Variants in ATOH8 observed in about 807,000 individuals in gnomAD.
ATOH8 encodes the protein transcription factor ATOH8.
A neutral mutation model predicts 21.2 loss-of-function variants in ATOH8; 9 were observed. The ratio of observed to expected loss-of-function variants is 0.42; its 90% CI spans 0.26 to 0.74. The LOEUF (loss-of-function observed/expected upper bound fraction) is 0.74, where lower values mean the gene tolerates loss of function less well. Ranked by LOEUF, ATOH8 falls within the 30% of genes least tolerant of loss-of-function variation. ATOH8 has a pLI of 0.24. For missense variants in ATOH8, 524 were observed against 470.9 expected (o/e 1.11, Z -1.04); for synonymous variants, 253 against 224.0 (o/e 1.13, Z -1.16).
chr2:85,763,821 C>CGTGTGTGTGTGTGTGT (rs61491730), intron 1 of ATOH8, among the ~76,000 whole-genome samples, 170 bp from the exon 2 acceptor site: 176 of 143,860 alleles, frequency 1.2e-3, no homozygotes, highest in South Asian at 7.6e-3. Flanking sequence ...GATGAGCTGA[C>CGTGTGTGTGTGTGTGT]GTGTGTGTGT....
chr2:85,781,763 A>G (rs1344250007), intron 2 of ATOH8, among the ~76,000 whole-genome samples: 1 of 151,920 alleles, frequency 6.6e-6, no homozygotes, highest in Non-Finnish European at 1.5e-5. Context: ...CTGTGGTCCC[A>G]GGTATACAGG....
In ATOH8 at chr2:85,789,118, C is replaced by T. The variant is rs2104543812; in HGVS notation, c.*2228C>T. ...TGACATAGAAGACCATTTCTATTAC[C>T]AAAGGGAGTGTACCCCATTCTGCTG... On this transcript the variant is annotated 3_prime_UTR_variant, in exon 3 of 3. Transcript: ENST00000306279. Among the ~76,000 whole-genome samples, 1 of 152,278 alleles carries T rather than the reference C, an allele frequency of 6.6e-6. No homozygotes were observed. The highest frequency in any genetic ancestry group is 1.5e-5 in the Non-Finnish European group (1 of 68,020).
rs145949454 is a variant in ATOH8 at position 85,786,732 on chromosome 2, C to T, written c.961-153C>T. 7.0e-4 allele frequency among the ~76,000 whole-genome samples: 107 copies of T among 152,290 alleles called. 1 individual carries two copies. Among genetic ancestry groups the T allele is most frequent in the Middle Eastern group, 6.8e-3 (2 of 294 alleles). ...GTGTGGGCTCTGGAGGCAGCCAGGCCGGGGTTTGAATCCTGGCTCTTCCAC... is the reference window on the plus strand; with the variant it reads ...GTGTGGGCTCTGGAGGCAGCCAGGCTGGGGTTTGAATCCTGGCTCTTCCAC... On this transcript the variant is annotated intron_variant, in intron 2 of 2. Transcript: ENST00000306279.
Position 85,754,894 on chromosome 2 carries a change from G to C in ATOH8, c.705G>C (p.Ala235=), listed in dbSNP as rs76354978. The change falls in exon 1 of 3, where the codon GCG becomes GCC. Residue 235 remains alanine (A), a synonymous_variant. Coordinates refer to ENST00000306279, the MANE Select transcript of ATOH8 (RefSeq NM_032827.7). ...TGCAGCAGACCCGGAGGCTCCTGGC[G>C]AACGCCAGGGAGCGGACGCGGGTGC... ...KALQQTRRLL[A]NARERTRVHT... The C allele has an allele frequency of 3.2e-3, 5,167 of 1,610,618 alleles. 62 individuals are homozygous for C. The highest frequency in any genetic ancestry group is 0.023 in the East Asian group (1,022 of 44,794).
intron 2 of ATOH8, 61 bp from the exon 3 acceptor site, chr2:85,786,824 G>A: frequency 1.2e-6 from 2 of 1,612,546 alleles, no homozygotes; most frequent in Non-Finnish European, 1.7e-6. Flanking sequence ...TTCTGCAGCT[G>A]TCCAGAAACA....
At position 85,777,937 on chromosome 2, in the gene ATOH8, T is replaced by C. The variant is rs1465364456; in HGVS notation, c.961-8948T>C. ...GTGCCCATACAGAGGGAGGCCCTGG[T>C]GATCTGAAGTGGAGACAAAGTTCCT... is the stretch of plus-strand genomic sequence containing the variant. On this transcript the variant is annotated intron_variant, in intron 2 of 2. Transcript: ENST00000306279. Among the ~76,000 whole-genome samples, 4 of 152,172 alleles carry C rather than the reference T, an allele frequency of 2.6e-5. No individual in the cohort carries two copies. In the East Asian group the frequency reaches 7.7e-4, roughly 29 times the overall value.
At chr2:85,786,578 G>A (rs1266994871) in intron 2 of ATOH8, among the ~76,000 whole-genome samples, 2 of 152,188 alleles carry the variant, frequency 1.3e-5, no homozygotes, top group Admixed American at 1.3e-4. Context: ...TGGGGATTGT[G>A]GTGTCAGCCC....
At chr2:85,768,593 G>A (rs1244052498) in intron 2 of ATOH8, among the ~76,000 whole-genome samples, 1 of 152,180 alleles carries the variant, frequency 6.6e-6, no homozygotes, top group Non-Finnish European at 1.5e-5. Context: ...GAGGCTGGGC[G>A]ACCCTCCTTC....
intron 1 of ATOH8, 88 bp downstream of exon 1, chr2:85,755,045 G>A: frequency 1.4e-6 from 2 of 1,449,122 alleles, no homozygotes; most frequent in African/African-American, 1.4e-5. Context: ...ATAGAGGTGT[G>A]TTTAAGGGGC....
At chr2:85,772,928 CT>C (rs1680228328) in intron 2 of ATOH8, 1 of 413,718 alleles carries the variant, frequency 2.4e-6, no homozygotes, top group Non-Finnish European at 4.7e-6. Flanking sequence ...CACTGCGGAA[CT>C]TTTCTTTCTC....
rs531191847 is a variant in ATOH8 at position 85,789,113 on chromosome 2, A to G, written c.*2223A>G. On this transcript the variant is annotated 3_prime_UTR_variant, in exon 3 of 3. Transcript: ENST00000306279. ...ACTGTTGACATAGAAGACCATTTCT[A>G]TTACCAAAGGGAGTGTACCCCATTC... is the stretch of plus-strand genomic sequence containing the variant. Among the ~76,000 whole-genome samples the G allele has an allele frequency of 9.9e-5, 15 of 152,278 alleles. No homozygotes were observed. Among genetic ancestry groups the G allele is most frequent in the Admixed American group, 7.8e-4 (12 of 15,296 alleles).
At position 85,766,352 on chromosome 2, in the gene ATOH8, C is replaced by T. The variant is rs78980257; in HGVS notation, c.960+2170C>T. Among the ~76,000 whole-genome samples, 1,465 of 152,086 alleles carry T rather than the reference C, an allele frequency of 9.6e-3. 163 individuals are homozygous for T. The East Asian group carries it at 0.24, about 25-fold the overall frequency. ...CACCCTCCCTCCCCCACACCCAGCC[C>T]GGGCCTGAGGGCACTTCCTGCCTCC... On this transcript the variant is annotated intron_variant, in intron 2 of 2. Transcript: ENST00000306279. The surrounding 1 kb of genome is among the most constrained non-coding windows in gnomAD (Gnocchi z 4.0).
At chr2:85,757,603 C>T (rs1679746719) in intron 1 of ATOH8, among the ~76,000 whole-genome samples, 1 of 152,130 alleles carries the variant, frequency 6.6e-6, no homozygotes, top group South Asian at 2.1e-4. Flanking sequence ...AACTGGAGGC[C>T]AGGCATTGAG....
intron 1 of ATOH8, among the ~76,000 whole-genome samples, chr2:85,762,648 A>C (rs897610375): frequency 6.6e-6 from 1 of 152,036 alleles, no homozygotes; most frequent in Non-Finnish European, 1.5e-5. Flanking sequence ...TCTTGGACAC[A>C]GTGAGGTTTA....
chr2:85,783,641 G>A (rs183063095), intron 2 of ATOH8: 1 of 152,118 alleles, frequency 6.6e-6, no homozygotes, highest in Admixed American at 6.5e-5. Context: ...AAGCTAGGGA[G>A]TAAGCCGGAC....
chr2:85,768,967 G>C (rs558715708), intron 2 of ATOH8, among the ~76,000 whole-genome samples: 3 of 152,218 alleles, frequency 2.0e-5, no homozygotes, highest in Admixed American at 6.5e-5. Flanking sequence ...TGCAGCCGGA[G>C]ATAATGCACG....
At position 85,787,223 on chromosome 2, in the gene ATOH8, T is replaced by C; in HGVS notation, c.*333T>C. The C allele has an allele frequency of 2.7e-6, 1 of 365,502 alleles. No individual in the cohort carries two copies. The highest frequency in any genetic ancestry group is 6.7e-5 in the South Asian group (1 of 14,948). The allele number at this position is 365,502 out of a possible 1,614,324, so 22.6% of individuals were successfully genotyped here. A position where few individuals can be genotyped will look rare whatever the true frequency, so the allele number is the denominator to read the frequency against. ...AGAGACACCGAAGGAAATGGGGTGG[T>C]GAAACCCCACAGCGAAAAGCCACAC... On this transcript the variant is annotated 3_prime_UTR_variant, in exon 3 of 3. Transcript: ENST00000306279.
At chr2:85,771,570 C>A (rs1002092331) in intron 2 of ATOH8, among the ~76,000 whole-genome samples, 1 of 152,160 alleles carries the variant, frequency 6.6e-6, no homozygotes, top group Non-Finnish European at 1.5e-5. Flanking sequence ...AGATTCTTTC[C>A]CCTCTAGCAC....
chr2:85,776,885 C>T (rs1680341592), intron 2 of ATOH8, among the ~76,000 whole-genome samples: 1 of 152,106 alleles, frequency 6.6e-6, no homozygotes, highest in African/African-American at 2.4e-5. Context: ...ATCCCCCTGT[C>T]AGCAGCTGTG....
Sources: gnomAD v4.1 joint callset for allele counts (sites outside exome capture counted in the v4.1 genomes callset) on GRCh38, gnomAD v4.1.1 for gene constraint, Gnocchi (gnomAD v3.1) non-coding constraint, MANE v1.5 for transcripts, NCBI Gene and HGNC (gene_info 2026-07-23, HGNC 2026-07-21) for gene names.